KCNN3: variants seen among roughly 807,000 people sequenced by gnomAD.
The protein encoded by KCNN3 is potassium calcium-activated channel subfamily N member 3, also known as small conductance calcium-activated potassium channel protein 3.
KCNN3 carries 16 observed loss-of-function variants against 62.9 expected under a neutral mutation model. The observed-to-expected ratio is 0.25, with a 90% CI of 0.17 to 0.39. The LOEUF is 0.39. Among genes scored for constraint, KCNN3 ranks in the 10% least tolerant of loss-of-function variants. The pLI is 1.00. For synonymous variants in KCNN3, 370 were observed against 389.2 expected, an observed-to-expected ratio of 0.95 and a Z score of 0.58; for missense variants, 599 against 949.4, an observed-to-expected ratio of 0.63 and a Z score of 4.85.
intron 2 of KCNN3, among the ~76,000 whole-genome samples, chr1:154,795,852 GCA>G (rs1010296361): frequency 6.6e-6 from 1 of 152,218 alleles, no homozygotes; most frequent in Non-Finnish European, 1.5e-5. Context: ...AGGTTGACTG[GCA>G]CAGTGTTCCA....
In KCNN3 at chr1:154,870,083, G is replaced by A; in HGVS notation, c.-119C>T. 1.6e-6 allele frequency: 2 copies of A among 1,228,700 alleles called. No homozygotes were observed. The highest frequency in any genetic ancestry group is 2.3e-6 in the Non-Finnish European group (2 of 853,502). 76.1% of individuals were successfully genotyped at this position (1,228,700 alleles called of 1,614,324 possible). A position where few individuals can be genotyped will look rare whatever the true frequency, so the allele number is the denominator to read the frequency against. The stretch of plus-strand genomic sequence containing the variant: ...CTCCCCCACCAGTATCTTGGCTCCA[G>A]TCCTCTCTTTGGCTTGCTTCGGTTC... On this transcript the variant is annotated 5_prime_UTR_variant, in exon 1 of 8. Transcript: ENST00000271915.
intron 2 of KCNN3, among the ~76,000 whole-genome samples, chr1:154,788,485 C>T (rs1261789943): frequency 6.6e-6 from 1 of 152,170 alleles, no homozygotes; most frequent in East Asian, 1.9e-4. Context: ...TTTGAAGTAA[C>T]AGCTATTAAT....
chr1:154,722,538 C>A (rs1358132271), intron 5 of KCNN3, among the ~76,000 whole-genome samples: 1 of 151,538 alleles, frequency 6.6e-6, no homozygotes, highest in African/African-American at 2.4e-5. Flanking sequence ...CAGGCACGTG[C>A]CACTACGCCC....
intron 1 of KCNN3, among the ~76,000 whole-genome samples, chr1:154,844,329 T>C (rs1179349477): frequency 6.6e-6 from 1 of 152,260 alleles, no homozygotes; most frequent in Non-Finnish European, 1.5e-5. Context: ...TCTGTCCTTC[T>C]TTCATTAGAC....
Position 154,870,072 on chromosome 1 carries a change from T to A in KCNN3, c.-108A>T, listed in dbSNP as rs992867929. ...AGGCATCCAATCTCCCCCACCAGTA[T>A]CTTGGCTCCAGTCCTCTCTTTGGCT... On this transcript the variant is annotated 5_prime_UTR_variant, in exon 1 of 8. Transcript: ENST00000271915. 7.7e-7 allele frequency: 1 copy of A among 1,301,952 alleles called. No homozygotes were observed. The highest frequency in any genetic ancestry group is 2.0e-5 in the Admixed American group (1 of 50,780). 80.6% of individuals were successfully genotyped at this position (1,301,952 alleles called of 1,614,324 possible).
At chr1:154,789,431 G>A (rs903850157) in intron 2 of KCNN3, among the ~76,000 whole-genome samples, 2 of 142,654 alleles carry the variant, frequency 1.4e-5, no homozygotes, top group African/African-American at 2.9e-5. Flanking sequence ...GGTGGGGCAG[G>A]GGGGGGCATT....
At chr1:154,868,849 C>T (rs1257352605) in intron 1 of KCNN3, among the ~76,000 whole-genome samples, 183 bp downstream of exon 1, 1 of 151,908 alleles carries the variant, frequency 6.6e-6, no homozygotes, top group Non-Finnish European at 1.5e-5. Context: ...GAGCAAGCGC[C>T]TCTCACCACC....
At chr1:154,863,353 ATTAT>A (rs1474702163) in intron 1 of KCNN3, among the ~76,000 whole-genome samples, 1 of 152,194 alleles carries the variant, frequency 6.6e-6, no homozygotes, top group Admixed American at 6.5e-5. Flanking sequence ...CCCCACCCTC[ATTAT>A]TTAAAGAGGA....
chr1:154,710,993 G>C (rs1700062113), intron 7 of KCNN3, among the ~76,000 whole-genome samples: 1 of 152,154 alleles, frequency 6.6e-6, no homozygotes, highest in South Asian at 2.1e-4. Context: ...CCATTACTGG[G>C]TATATACCCA....
chr1:154,753,645 C>A (rs1647491756), intron 3 of KCNN3, among the ~76,000 whole-genome samples: 2 of 152,240 alleles, frequency 1.3e-5, no homozygotes, highest in Non-Finnish European at 1.5e-5. Flanking sequence ...CCTTGAGCCA[C>A]CACATCCTCA....
At chr1:154,822,292 T>C in intron 1 of KCNN3, 108 bp from the exon 2 acceptor site, 1 of 823,444 alleles carries the variant, frequency 1.2e-6, no homozygotes, top group Non-Finnish European at 2.1e-6. Flanking sequence ...GAGGGACTGT[T>C]ACCAGCCCCT....
intron 1 of KCNN3, among the ~76,000 whole-genome samples, chr1:154,856,317 T>A (rs1206439558): frequency 6.6e-6 from 1 of 152,100 alleles, no homozygotes; most frequent in Non-Finnish European, 1.5e-5. Flanking sequence ...TTAGCCACGA[T>A]GTCTTCACAG....
chr1:154,734,978 G>A (rs1158011584), intron 3 of KCNN3, among the ~76,000 whole-genome samples: 1 of 110,772 alleles, frequency 9.0e-6, no homozygotes, highest in East Asian at 2.4e-4. Flanking sequence ...CTGGGCTCCA[G>A]TAGCAGGTGA....
Position 154,809,154 on chromosome 1 carries a change from C to G in KCNN3, c.1029+12935G>C, listed in dbSNP as rs1348961407. Among the ~76,000 whole-genome samples, 1 of 152,226 alleles carries G rather than the reference C, an allele frequency of 6.6e-6. No individual in the cohort carries two copies. The highest frequency in any genetic ancestry group is 1.5e-5 in the Non-Finnish European group (1 of 68,048). ...GCCATGCCTCAGCACTCTCCTGTGA[C>G]ACAACGTGATCTCACCGAGTGACCA... On this transcript the variant is annotated intron_variant, in intron 2 of 7. Transcript: ENST00000271915. The surrounding 1 kb of genome is among the most constrained non-coding windows in gnomAD (Gnocchi z 4.3).
intron 2 of KCNN3, among the ~76,000 whole-genome samples, chr1:154,779,181 C>A (rs1205276853): frequency 1.3e-5 from 2 of 152,164 alleles, no homozygotes; most frequent in Non-Finnish European, 2.9e-5. Context: ...AAATGACTGA[C>A]CCACAGAAAC....
chr1:154,776,289 C>T (rs1412365775), intron 2 of KCNN3, among the ~76,000 whole-genome samples: 3 of 152,204 alleles, frequency 2.0e-5, no homozygotes, highest in Non-Finnish European at 4.4e-5. Context: ...GCCCTGCCTG[C>T]CTCCTGGGGT....
intron 3 of KCNN3, among the ~76,000 whole-genome samples, chr1:154,733,389 G>C (rs977552775): frequency 6.6e-6 from 1 of 152,140 alleles, no homozygotes; most frequent in Non-Finnish European, 1.5e-5. Context: ...AAAATGTTTT[G>C]TCATGATTTG....
In KCNN3 at chr1:154,712,439, C is replaced by G. The variant is rs912599280; in HGVS notation, c.1899+1025G>C. Among the ~76,000 whole-genome samples, 8 of 152,342 alleles carry G rather than the reference C, an allele frequency of 5.3e-5. No homozygotes were observed. In the East Asian group the frequency reaches 1.5e-3, roughly 29 times the overall value. ...CTCCCCAAATGTGCCAAGCCACTTA[C>G]TCCCCGATTGAAGTCCTCACAGGTT... On this transcript the variant is annotated intron_variant, in intron 7 of 7. Transcript: ENST00000271915.
chr1:154,746,861 T>C (rs1700949096), intron 3 of KCNN3, among the ~76,000 whole-genome samples: 1 of 152,196 alleles, frequency 6.6e-6, no homozygotes, highest in South Asian at 2.1e-4. Context: ...TGGCATCAAA[T>C]GTCACCAGGC....
Sources: allele counts gnomAD v4.1 joint callset (sites outside exome capture counted in the v4.1 genomes callset), GRCh38; gene constraint gnomAD v4.1.1; non-coding constraint Gnocchi (gnomAD v3.1); transcripts MANE v1.5; gene names NCBI Gene and HGNC (gene_info 2026-07-23, HGNC 2026-07-21).